Variants in ADGRG4 observed in about 807,000 individuals in gnomAD.
The protein encoded by ADGRG4 is adhesion G protein-coupled receptor G4.
In ADGRG4, 122 loss-of-function variants were observed where a neutral mutation model predicts 126.2. The ratio of observed to expected loss-of-function variants is 0.97; its 90% CI spans 0.83 to 1.12. The LOEUF is 1.12. Among genes scored for constraint, ADGRG4 ranks in the 50% most tolerant of loss-of-function variants. ADGRG4 has a pLI of 0.00. For synonymous variants in ADGRG4, 943 were observed against 838.7 expected (o/e 1.12, Z -2.15); for missense variants, 2,481 against 2,251.8 (o/e 1.10, Z -2.06).
Position 136,395,454 on chromosome X carries a change from C to T in ADGRG4, c.8145C>T (p.Ile2715=). The T allele has an allele frequency of 8.4e-7, 1 of 1,196,062 alleles. No individual in the cohort carries two copies. Among genetic ancestry groups the T allele is most frequent in the South Asian group, 1.8e-5 (1 of 56,084 alleles). The change falls in exon 19 of 26, where the codon ATC becomes ATT. Residue 2715 remains isoleucine, a synonymous_variant. Transcript: ENST00000394143. ...KVKETNVNYT[I]CQCDHLTHFG... The stretch of plus-strand genomic sequence containing the variant: ...AGGAAACAAATGTAAATTACACAAT[C>T]TGTCAGTGTGACCACCTCACCCATT...
At chrX:136,355,854 T>C (rs780875538) in intron 8 of ADGRG4, among the ~76,000 whole-genome samples, 1 of 112,288 alleles carries the variant, frequency 8.9e-6, no homozygotes, top group South Asian at 3.7e-4. Flanking sequence ...TAATTTCCAC[T>C]TGTATGTCTA....
At chrX:136,411,936 C>T (rs777579996) in intron 23 of ADGRG4, among the ~76,000 whole-genome samples, 102 of 112,855 alleles carry the variant, frequency 9.0e-4, no homozygotes, top group Non-Finnish European at 1.7e-3. Flanking sequence ...CTGCTATATT[C>T]TATTGGTACA....
chrX:136,389,835 A>G (rs1197790770), intron 16 of ADGRG4, among the ~76,000 whole-genome samples: 3 of 111,916 alleles, frequency 2.7e-5, no homozygotes, highest in African/African-American at 9.7e-5. Context: ...GGAGGGGAAA[A>G]CAGACCTAAA....
intron 21 of ADGRG4, among the ~76,000 whole-genome samples, chrX:136,401,296 T>C (rs2075377974): frequency 1.8e-5 from 2 of 111,890 alleles, no homozygotes; most frequent in South Asian, 3.8e-4. Flanking sequence ...AGAGGCTTCA[T>C]GAATAATCCA....
Position 136,347,920 on chromosome X carries a change from ACT to A in ADGRG4, c.4217_4218del (p.Ser1406CysfsTer37), listed in dbSNP as rs2075030395. On this transcript the variant is annotated frameshift_variant, in exon 6 of 26. Transcript: ENST00000394143. LOFTEE classifies it high-confidence loss of function. Reference sequence around the variant, plus strand: ...ATAGTAAACTCCACCTATGTGACTCACTCTGTCTCATATGGCCAGGATACTTC... The same window carrying A: ...ATAGTAAACTCCACCTATGTGACTCACTGTCTCATATGGCCAGGATACTTC... The A allele has an allele frequency of 8.3e-7, 1 of 1,206,492 alleles. No individual in the cohort carries two copies. Among genetic ancestry groups the A allele is most frequent in the Non-Finnish European group, 1.1e-6 (1 of 892,178 alleles).
chrX:136,415,282 A>G (rs998255704), intron 25 of ADGRG4, among the ~76,000 whole-genome samples: 9 of 111,728 alleles, frequency 8.1e-5, no homozygotes, highest in African/African-American at 2.9e-4. Context: ...GGCAATCTGG[A>G]AGCAGCATGG....
chrX:136,342,879 AGTGTGTGT>A lies in ADGRG4; in HGVS notation c.686-1477_686-1470del, dbSNP rs58303622. Among the ~76,000 whole-genome samples, 194 of 87,371 alleles carry A rather than the reference AGTGTGTGT, an allele frequency of 2.2e-3. 1 individual carries two copies. The East Asian group carries it at 0.025, about 11-fold the overall frequency. 75.9% of individuals were successfully genotyped at this position (87,371 alleles called of 115,157 possible). On this transcript the variant is annotated intron_variant, in intron 5 of 25. Transcript: ENST00000394143. ...AATAGAAAGCAACTAAAGAGAGCTC[AGTGTGTGT>A]GTGTGTGTGTGTGTGTGTGTGTGTG...
At chrX:136,400,699 A>G (rs892777422) in intron 21 of ADGRG4, among the ~76,000 whole-genome samples, 3 of 111,618 alleles carry the variant, frequency 2.7e-5, no homozygotes, top group Non-Finnish European at 5.6e-5. Context: ...ACAGGAAAAG[A>G]CTTGAAATGG....
chrX:136,345,966 T>C lies in ADGRG4; in HGVS notation c.2260T>C (p.Phe754Leu). ...CACATCCATAACCAATATGCCTGAA[T>C]TTAAACTTACCACTTTACTACTAAA... ...GTTSITNMPE[F>L]KLTTLLLKTI... Residue 754 changes from phenylalanine (F) to leucine (L), a missense_variant, in exon 6 of 26, where the codon TTT becomes CTT. By Grantham distance (22) the Phe-to-Leu change is conservative. Coordinates refer to ENST00000394143, the MANE Select transcript of ADGRG4 (RefSeq NM_153834.4). 1 of 1,210,473 alleles carries C rather than the reference T, an allele frequency of 8.3e-7. No homozygotes were observed. The highest frequency in any genetic ancestry group is 2.2e-5 in the Admixed American group (1 of 45,894).
Position 136,357,835 on chromosome X carries a change from G to A in ADGRG4, c.6980+79G>A, listed in dbSNP as rs745802750. On this transcript the variant is annotated intron_variant, in intron 10 of 25. Transcript: ENST00000394143. The stretch of plus-strand genomic sequence containing the variant: ...CCTTCCATTTAATTCTGCATGTGCG[G>A]CCAGTTGGCCAGAGTTGTCAGAAGA... 38 of 665,932 alleles carry A rather than the reference G, an allele frequency of 5.7e-5. No homozygotes were observed. The African/African-American group carries it at 7.1e-4, about 13-fold the overall frequency. 54.9% of individuals were successfully genotyped at this position (665,932 alleles called of 1,213,427 possible).
chrX:136,364,017 G>T (rs1335942119), intron 13 of ADGRG4, among the ~76,000 whole-genome samples: 1 of 109,984 alleles, frequency 9.1e-6, no homozygotes, highest in Non-Finnish European at 1.9e-5. Context: ...CACCATGTTG[G>T]CCAGGCTGGT....
intron 15 of ADGRG4, among the ~76,000 whole-genome samples, chrX:136,380,595 CTCCTCCTCCTCTTCT>C (rs1351464776): frequency 1.3e-5 from 1 of 76,929 alleles, no homozygotes; most frequent in Non-Finnish European, 2.6e-5. Context: ...CCTCCTCCTC[CTCCTCCTCCTCTTCT>C]TCTTCTTCTT....
intron 4 of ADGRG4, among the ~76,000 whole-genome samples, chrX:136,317,024 A>G (rs1274293163): frequency 9.0e-6 from 1 of 111,524 alleles, no homozygotes; most frequent in Non-Finnish European, 1.9e-5. Context: ...TTATTCAGTA[A>G]ACAGCTACAA....
intron 15 of ADGRG4, among the ~76,000 whole-genome samples, chrX:136,384,181 G>C (rs767110010): frequency 1.8e-5 from 2 of 110,751 alleles, no homozygotes; most frequent in African/African-American, 3.3e-5. Context: ...AAAGTGCTGG[G>C]ATTACAGGTG....
At chrX:136,334,185 A>C (rs1451158129) in intron 5 of ADGRG4, among the ~76,000 whole-genome samples, 2 of 101,745 alleles carry the variant, frequency 2.0e-5, no homozygotes, top group African/African-American at 3.6e-5. Context: ...CAGTTGCTTC[A>C]GTATTAATTG....
At chrX:136,305,942 C>T (rs1214823620) in intron 3 of ADGRG4, 1 of 111,640 alleles carries the variant, frequency 9.0e-6, no homozygotes, top group Non-Finnish European at 1.9e-5. Flanking sequence ...AGCCCCATGA[C>T]GTGCTACAAG....
chrX:136,332,704 G>T (rs1347176667), intron 5 of ADGRG4, among the ~76,000 whole-genome samples: 1 of 105,987 alleles, frequency 9.4e-6, no homozygotes, highest in Non-Finnish European at 2.0e-5. Flanking sequence ...CATTCTAACT[G>T]GTGTGAGATG....
chrX:136,332,009 AT>A (rs780595877), intron 5 of ADGRG4, among the ~76,000 whole-genome samples: 150 of 107,398 alleles, frequency 1.4e-3, no homozygotes, highest in Middle Eastern at 4.7e-3. Flanking sequence ...TTTAATTTTT[AT>A]TTTTTTTATT....
intron 5 of ADGRG4, among the ~76,000 whole-genome samples, chrX:136,337,257 C>T (rs768870910): frequency 6.3e-5 from 7 of 111,870 alleles, no homozygotes; most frequent in African/African-American, 1.9e-4. Context: ...ACATGAGCTG[C>T]CATATCCAGC....
Sources: gnomAD v4.1 joint callset for allele counts (sites outside exome capture counted in the v4.1 genomes callset) on GRCh38, gnomAD v4.1.1 for gene constraint, MANE v1.5 for transcripts, NCBI Gene and HGNC (gene_info 2026-07-23, HGNC 2026-07-21) for gene names.